The following MPPED2 variants were observed in gnomAD, a reference collection of about 807,000 sequenced individuals.
MPPED2 encodes metallophosphoesterase domain containing 2, also known as metallophosphoesterase MPPED2.
In MPPED2, 5 loss-of-function variants were observed where a neutral mutation model predicts 33.0. That is an observed-to-expected ratio of 0.15 (90% CI 0.08 to 0.32). The LOEUF is 0.32. MPPED2 is among the 10% of genes least tolerant of loss of function. The pLI, the probability that MPPED2 is intolerant of heterozygous loss-of-function variation, is 1.00. For synonymous variants in MPPED2, 136 were observed against 141.9 expected (o/e 0.96, Z 0.29); for missense variants, 275 against 372.1 (o/e 0.74, Z 2.15).
At chr11:30,397,719 A>G (rs1947855876) in intron 6 of MPPED2, among the ~76,000 whole-genome samples, 1 of 152,184 alleles carries the variant, frequency 6.6e-6, no homozygotes, top group South Asian at 2.1e-4. Context: ...TTAATGATGA[A>G]GAAACAGGCT....
intron 1 of MPPED2, among the ~76,000 whole-genome samples, chr11:30,585,246 C>G (rs1183574019): frequency 6.6e-6 from 1 of 152,250 alleles, no homozygotes; most frequent in East Asian, 1.9e-4. Context: ...ACTCGTCCCC[C>G]GTCGCCTAGC....
intron 4 of MPPED2, among the ~76,000 whole-genome samples, chr11:30,425,153 G>A (rs966329170): frequency 1.3e-5 from 2 of 152,284 alleles, no homozygotes; most frequent in African/African-American, 4.8e-5. Context: ...GGAACAAATT[G>A]TGCCTGAGGT....
Position 30,531,120 on chromosome 11 carries a change from C to T in MPPED2, c.310+4874G>A, listed in dbSNP as rs540372639. 2.0e-5 allele frequency among the ~76,000 whole-genome samples: 3 copies of T among 152,274 alleles called. No homozygotes were observed. The South Asian group carries it at 6.2e-4, about 32-fold the overall frequency. ...TCACCAAAGCCTATTCATGGCTTAC[C>T]TAGAACACATCTTAGCTAAAATGTT... On this transcript the variant is annotated intron_variant, in intron 3 of 6. Transcript: ENST00000358117.
At chr11:30,579,883 C>A (rs1957089649) in intron 2 of MPPED2, among the ~76,000 whole-genome samples, 1 of 151,616 alleles carries the variant, frequency 6.6e-6, no homozygotes. Flanking sequence ...TGGAGGCAAG[C>A]AATACAATGT....
intron 3 of MPPED2, among the ~76,000 whole-genome samples, chr11:30,533,736 C>G (rs772619867): frequency 3.9e-5 from 6 of 152,196 alleles, no homozygotes; most frequent in Admixed American, 3.9e-4. Flanking sequence ...CATTCTGCAA[C>G]CCATGCTGAA....
At chr11:30,545,561 A>T (rs150328285) in intron 2 of MPPED2, among the ~76,000 whole-genome samples, 5 of 152,292 alleles carry the variant, frequency 3.3e-5, no homozygotes, top group African/African-American at 1.2e-4. Flanking sequence ...GATGATGATG[A>T]GAAATGGCAG....
intron 4 of MPPED2, among the ~76,000 whole-genome samples, chr11:30,421,141 A>T (rs1475822407): frequency 2.0e-5 from 3 of 152,214 alleles, no homozygotes; most frequent in African/African-American, 7.2e-5. Flanking sequence ...CAGCGAGGAT[A>T]GTGAATCTCT....
intron 4 of MPPED2, among the ~76,000 whole-genome samples, chr11:30,417,877 C>T (rs992356996): frequency 2.0e-5 from 3 of 152,094 alleles, no homozygotes; most frequent in Non-Finnish European, 4.4e-5. Context: ...GGAGACTTTC[C>T]CAGCAGGCCT....
intron 4 of MPPED2, among the ~76,000 whole-genome samples, chr11:30,440,017 CTTG>C (rs141769346): frequency 0.027 from 4,098 of 152,258 alleles, 93 homozygotes; most frequent in Admixed American, 0.063. Context: ...CCAAATCTCT[CTTG>C]TTGTTTTTAT....
intron 6 of MPPED2, among the ~76,000 whole-genome samples, chr11:30,404,967 G>A (rs1243765504): frequency 6.6e-6 from 1 of 152,118 alleles, no homozygotes; most frequent in Non-Finnish European, 1.5e-5. Flanking sequence ...CTCTGACCTT[G>A]GGGAGCTCAT....
At chr11:30,523,377 G>A (rs923593388) in intron 3 of MPPED2, among the ~76,000 whole-genome samples, 4 of 152,084 alleles carry the variant, frequency 2.6e-5, no homozygotes, top group African/African-American at 9.7e-5. Context: ...CAAATGCCAC[G>A]TTGGTATAAG....
chr11:30,425,854 T>C (rs1948815461), intron 4 of MPPED2, among the ~76,000 whole-genome samples: 1 of 152,104 alleles, frequency 6.6e-6, no homozygotes, highest in African/African-American at 2.4e-5. Context: ...ACAGTTCCCA[T>C]CATCCAGGTT....
intron 4 of MPPED2, among the ~76,000 whole-genome samples, chr11:30,490,663 T>C (rs1951935154): frequency 6.6e-6 from 1 of 152,108 alleles, no homozygotes; most frequent in African/African-American, 2.4e-5. Flanking sequence ...CTACAGAACA[T>C]TACGGTTGCA....
chr11:30,514,207 C>T (rs898209057), intron 3 of MPPED2, among the ~76,000 whole-genome samples: 3 of 152,182 alleles, frequency 2.0e-5, no homozygotes, highest in Non-Finnish European at 2.9e-5. Flanking sequence ...TTTCCCTTGC[C>T]AATGACTGGT....
chr11:30,552,584 T>TTTTTG (rs1004098970), intron 2 of MPPED2, among the ~76,000 whole-genome samples: 3 of 152,160 alleles, frequency 2.0e-5, no homozygotes, highest in Non-Finnish European at 2.9e-5. Context: ...TTTCTTTCTG[T>TTTTTG]TTTTGTTTTG....
At chr11:30,395,913 C>T (rs1947834632) in intron 6 of MPPED2, among the ~76,000 whole-genome samples, 1 of 152,136 alleles carries the variant, frequency 6.6e-6, no homozygotes, top group African/African-American at 2.4e-5. Context: ...CTTAAACCAT[C>T]CTCAAACACT....
chr11:30,504,688 G>T, intron 3 of MPPED2: 1 of 940,426 alleles, frequency 1.1e-6, no homozygotes, highest in Non-Finnish European at 1.5e-6. Flanking sequence ...CCCCCGTCAG[G>T]CTCCATTAAT....
downstream of MPPED2, among the ~76,000 whole-genome samples, chr11:30,409,692 A>G (rs1363976503): frequency 2.0e-5 from 3 of 152,176 alleles, no homozygotes; most frequent in African/African-American, 7.2e-5. Flanking sequence ...TGCACTGCAG[A>G]TCCAAGATTA....
intron 6 of MPPED2, among the ~76,000 whole-genome samples, chr11:30,394,875 A>C (rs1590152298): frequency 1.3e-5 from 2 of 152,298 alleles, no homozygotes; most frequent in East Asian, 3.9e-4. Context: ...TATGCTTTAC[A>C]TTTAGATAAT....
Sources: gnomAD v4.1 joint callset for allele counts (sites outside exome capture counted in the v4.1 genomes callset) on GRCh38, gnomAD v4.1.1 for gene constraint, MANE v1.5 for transcripts, NCBI Gene and HGNC (gene_info 2026-07-23, HGNC 2026-07-21) for gene names.